Variants in FHL2 observed in about 807,000 individuals in gnomAD.
FHL2 encodes four and a half LIM domains 2.
A neutral mutation model predicts 32.7 loss-of-function variants in FHL2; 20 were observed. The ratio of observed to expected loss-of-function variants is 0.61; its 90% CI spans 0.43 to 0.89. The LOEUF is 0.89. Ranked by LOEUF, FHL2 falls within the 40% of genes least tolerant of loss-of-function variation. The pLI, the probability that FHL2 is intolerant of heterozygous loss-of-function variation, is 0.00. For missense variants in FHL2, 311 were observed against 358.6 expected (o/e 0.87, Z 1.07); for synonymous variants, 123 against 128.1 (o/e 0.96, Z 0.27).
intron 4 of FHL2, 73 bp downstream of exon 4, chr2:105,373,486 C>T (rs1417354777): frequency 6.5e-7 from 1 of 1,535,760 alleles, no homozygotes. Context: ...TCAATGTGAA[C>T]AGGGGGTCAG....
intron 1 of FHL2, among the ~76,000 whole-genome samples, chr2:105,423,185 C>T: frequency 6.6e-6 from 1 of 152,224 alleles, no homozygotes; most frequent in South Asian, 2.1e-4. Context: ...CAGTGATACC[C>T]ATATGTTAGA....
chr2:105,367,883 A>T, intron 4 of FHL2, 144 bp from the exon 5 acceptor site: 2 of 731,562 alleles, frequency 2.7e-6, no homozygotes, highest in South Asian at 4.1e-5. Context: ...CTCTACATGG[A>T]GGTAATTCCT....
At chr2:105,370,213 C>CCT (rs1680942175) in intron 4 of FHL2, among the ~76,000 whole-genome samples, 1 of 151,728 alleles carries the variant, frequency 6.6e-6, no homozygotes, top group East Asian at 1.9e-4. Context: ...TCTCTACCCC[C>CCT]CCAAAAAAAA....
At chr2:105,366,676 CCTTT>C (rs1366795602) in intron 5 of FHL2, among the ~76,000 whole-genome samples, 12 of 152,198 alleles carry the variant, frequency 7.9e-5, no homozygotes, top group African/African-American at 2.9e-4. Context: ...TATGCAGTTC[CCTTT>C]CTTTCTTTAA....
At chr2:105,408,234 G>A (rs1036357031) in intron 1 of FHL2, among the ~76,000 whole-genome samples, 2 of 152,126 alleles carry the variant, frequency 1.3e-5, no homozygotes, top group African/African-American at 4.8e-5. Flanking sequence ...GTTTTAAGGT[G>A]GACTCACTTG....
chr2:105,425,547 G>A (rs1026763881), intron 1 of FHL2, among the ~76,000 whole-genome samples: 3 of 151,430 alleles, frequency 2.0e-5, no homozygotes, highest in African/African-American at 4.9e-5. Context: ...GAAGGCCACT[G>A]TCTCCTGCTT....
At chr2:105,429,677 G>C (rs1045582152) in intron 1 of FHL2, among the ~76,000 whole-genome samples, 1 of 152,168 alleles carries the variant, frequency 6.6e-6, no homozygotes, top group Admixed American at 6.5e-5. Context: ...AATTTGTGTT[G>C]CTTTAAGACA....
chr2:105,434,591 C>CA lies in FHL2; in HGVS notation c.-25+3807dup, dbSNP rs542157903. ...TCAAAAAAAAAACAAAACAAACAAA[C>CA]AAAAAAAACAAGACATTATCTTTAA... On this transcript the variant is annotated intron_variant, in intron 1 of 5. Transcript: ENST00000393352. Among the ~76,000 whole-genome samples, 73 of 150,988 alleles carry CA rather than the reference C, an allele frequency of 4.8e-4. No individual in the cohort carries two copies. In the South Asian group the frequency reaches 7.1e-3, roughly 15 times the overall value.
intron 1 of FHL2, among the ~76,000 whole-genome samples, chr2:105,411,147 T>C (rs1239205379): frequency 2.1e-4 from 32 of 152,224 alleles, no homozygotes; most frequent in Admixed American, 2.1e-3. Context: ...ACCATCGCTC[T>C]AATCCTTAGG....
At chr2:105,395,974 G>A (rs551517282) in intron 2 of FHL2, among the ~76,000 whole-genome samples, 7 of 152,114 alleles carry the variant, frequency 4.6e-5, no homozygotes, top group Non-Finnish European at 1.0e-4. Flanking sequence ...CAGACCCCTC[G>A]TGACATCCCC....
At position 105,410,696 on chromosome 2, in the gene FHL2, G is replaced by C. The variant is rs76371283; in HGVS notation, c.-24-24156C>G. Among the ~76,000 whole-genome samples the C allele has an allele frequency of 3.3e-3, 509 of 152,302 alleles. 3 individuals carry two copies. Among genetic ancestry groups the C allele is most frequent in the African/African-American group, 0.012 (489 of 41,568 alleles). ...TCTTGGCACAGGCAAGCAGAGGGAA[G>C]TGTGTGGTATGTGCGTCTTCCTGTA... On this transcript the variant is annotated intron_variant, in intron 1 of 5. Transcript: ENST00000393352.
At chr2:105,419,607 G>C (rs1684039223) in intron 1 of FHL2, among the ~76,000 whole-genome samples, 1 of 152,060 alleles carries the variant, frequency 6.6e-6, no homozygotes, top group South Asian at 2.1e-4. Context: ...CTTTCATTAG[G>C]TTCCCCTATA....
At chr2:105,366,990 C>T (rs1680681260) in intron 5 of FHL2, among the ~76,000 whole-genome samples, 1 of 152,194 alleles carries the variant, frequency 6.6e-6, no homozygotes, top group Non-Finnish European at 1.5e-5. Context: ...AGGTAATCCA[C>T]CAGCCTTGGC....
chr2:105,404,948 G>C (rs1683580142), intron 1 of FHL2, among the ~76,000 whole-genome samples: 1 of 152,178 alleles, frequency 6.6e-6, no homozygotes, highest in Admixed American at 6.5e-5. Flanking sequence ...TCCTTGGTTA[G>C]AGTTTATTTG....
chr2:105,399,162 GC>G (rs1333529973), upstream of FHL2: 27 of 1,358,690 alleles, frequency 2.0e-5, no homozygotes, highest in Admixed American at 4.0e-5. Flanking sequence ...GGGGGCGGGC[GC>G]CCCCAGGCCT....
intron 1 of FHL2, among the ~76,000 whole-genome samples, chr2:105,428,632 A>C (rs1008803516): frequency 1.3e-5 from 2 of 152,152 alleles, no homozygotes; most frequent in Non-Finnish European, 2.9e-5. Context: ...CGTGTGGGTC[A>C]GCTTGTTCTG....
chr2:105,395,848 A>T (rs1683086073), intron 2 of FHL2, among the ~76,000 whole-genome samples: 1 of 152,226 alleles, frequency 6.6e-6, no homozygotes, highest in South Asian at 2.1e-4. Flanking sequence ...AGACAGAATC[A>T]GGCTAGTAAA....
Position 105,394,155 on chromosome 2 carries a change from A to G in FHL2, c.-25+2492T>C, listed in dbSNP as rs7561346. On this transcript the variant is annotated intron_variant, in intron 2 of 6. Coordinates refer to ENST00000530340, the MANE Select transcript of FHL2 (RefSeq NM_001318895.3). ...TTCCTACGGATGGGAGTATCTACAC[A>G]CAAAAACCGCTCACCCCCAACACTC... Among the ~76,000 whole-genome samples, 514 of 152,306 alleles carry G rather than the reference A, an allele frequency of 3.4e-3. 2 individuals are homozygous for G. The highest frequency in any genetic ancestry group is 0.012 in the African/African-American group (487 of 41,560).
chr2:105,378,868 C>T (rs1681669002), intron 3 of FHL2: 1 of 152,202 alleles, frequency 6.6e-6, no homozygotes, highest in African/African-American at 2.4e-5. Flanking sequence ...TTGGTGGGTC[C>T]TCAGTGGGAA....
Sources: allele counts gnomAD v4.1 joint callset (sites outside exome capture counted in the v4.1 genomes callset), GRCh38; gene constraint gnomAD v4.1.1; transcripts MANE v1.5; gene names NCBI Gene and HGNC (gene_info 2026-07-23, HGNC 2026-07-21).